EXOC4: variants seen among roughly 807,000 people sequenced by gnomAD.
EXOC4 encodes SEC8-like 1.
A neutral mutation model predicts 107.2 loss-of-function variants in EXOC4; 71 were observed. The observed-to-expected ratio is 0.66, with a 90% CI of 0.55 to 0.81. The LOEUF is 0.81. EXOC4 is among the 30% of genes least tolerant of loss of function. EXOC4 has a pLI of 0.00. For missense variants in EXOC4, 1,108 were observed against 1,189.6 expected (o/e 0.93, Z 1.01); for synonymous variants, 456 against 441.2 (o/e 1.03, Z -0.42).
chr7:133,394,022 G>T (rs1191309233), intron 7 of EXOC4, among the ~76,000 whole-genome samples: 1 of 152,136 alleles, frequency 6.6e-6, no homozygotes, highest in African/African-American at 2.4e-5. Context: ...GTTTCTGTTG[G>T]CCAGGCAGAT....
chr7:133,573,216 A>G (rs1192872309), intron 9 of EXOC4, among the ~76,000 whole-genome samples: 5 of 152,198 alleles, frequency 3.3e-5, no homozygotes, highest in Non-Finnish European at 5.9e-5. Flanking sequence ...TAGGATACTT[A>G]CCACTTTATG....
At chr7:133,313,300 A>G (rs2150576678) in intron 4 of EXOC4, among the ~76,000 whole-genome samples, 1 of 152,170 alleles carries the variant, frequency 6.6e-6, no homozygotes, top group African/African-American at 2.4e-5. Context: ...GTGTTCCAAC[A>G]GATCTTAGAA....
the EXOC4 span, among the ~76,000 whole-genome samples, chr7:134,097,001 T>G: frequency 6.6e-6 from 1 of 151,864 alleles, no homozygotes; most frequent in Non-Finnish European, 1.5e-5. Flanking sequence ...CCACCACCAT[T>G]TTTTTACAGA....
At chr7:134,099,598 T>G in the EXOC4 span, among the ~76,000 whole-genome samples, 3 of 150,332 alleles carry the variant, frequency 2.0e-5, no homozygotes, top group East Asian at 5.9e-4. Flanking sequence ...GGCACGATCT[T>G]GGCTCACTGC....
chr7:133,578,037 C>G (rs1801171188), intron 9 of EXOC4, among the ~76,000 whole-genome samples: 1 of 152,024 alleles, frequency 6.6e-6, no homozygotes. Context: ...TTTAATAACC[C>G]CCTAATAAAT....
intron 9 of EXOC4, among the ~76,000 whole-genome samples, chr7:133,542,254 G>T (rs1175708237): frequency 2.0e-5 from 3 of 150,516 alleles, no homozygotes; most frequent in Non-Finnish European, 4.4e-5. Flanking sequence ...TTATGTTTAG[G>T]TTCAACAAAG....
chr7:133,804,184 T>C (rs1485669717), intron 10 of EXOC4, among the ~76,000 whole-genome samples: 1 of 152,188 alleles, frequency 6.6e-6, no homozygotes, highest in Non-Finnish European at 1.5e-5. Context: ...GTAGATACTG[T>C]TCAGGCAAAG....
intron 5 of EXOC4, among the ~76,000 whole-genome samples, chr7:133,319,954 A>G (rs556315113): frequency 9.9e-5 from 15 of 151,886 alleles, no homozygotes; most frequent in Middle Eastern, 3.4e-3. Context: ...TGGTAAAGCA[A>G]TGTCTTAAGT....
At chr7:133,599,801 C>T (rs1801763915) in intron 9 of EXOC4, among the ~76,000 whole-genome samples, 1 of 151,160 alleles carries the variant, frequency 6.6e-6, no homozygotes, top group South Asian at 2.1e-4. Context: ...CTATAAAGTA[C>T]AAACTCATGT....
In EXOC4 at chr7:133,938,036, A is replaced by G. The variant is rs754057400; in HGVS notation, c.2173A>G (p.Lys725Glu). 1 of 1,614,182 alleles carries G rather than the reference A, an allele frequency of 6.2e-7. No homozygotes were observed. Among genetic ancestry groups the G allele is most frequent in the Admixed American group, 1.7e-5 (1 of 60,020 alleles). The change falls in exon 14 of 18, where the codon AAG becomes GAG. Residue 725 changes from lysine (K) to glutamate (E), a missense_variant. Physicochemically the swap from Lys to Glu is moderately conservative, Grantham distance 56. Coordinates refer to ENST00000253861, the MANE Select transcript of EXOC4 (RefSeq NM_021807.4). ...CCTGGAATGGTTGGCAAGTCGAACA[A>G]AGTCAGCTTTCTCCAATCTTTCTAC... The part of the protein sequence containing the change: ...ESLEWLASRT[K>E]SAFSNLSTSQ...
At chr7:133,354,887 C>G (rs1214956890) in intron 5 of EXOC4, among the ~76,000 whole-genome samples, 1 of 152,156 alleles carries the variant, frequency 6.6e-6, no homozygotes, top group Admixed American at 6.5e-5. Flanking sequence ...TCCAGAGTTA[C>G]AAAATAGTTA....
At chr7:133,569,648 G>A (rs1800977789) in intron 9 of EXOC4, among the ~76,000 whole-genome samples, 1 of 152,184 alleles carries the variant, frequency 6.6e-6, no homozygotes, top group Admixed American at 6.5e-5. Context: ...GTAGGTATGT[G>A]TGTGTAAGAC....
intron 10 of EXOC4, among the ~76,000 whole-genome samples, chr7:133,807,574 T>C (rs1024866191): frequency 1.3e-5 from 2 of 152,154 alleles, no homozygotes; most frequent in Admixed American, 6.5e-5. Flanking sequence ...GAAATTTTTC[T>C]GACAGCTTTA....
At chr7:134,035,022 TTTTTTTC>T (rs1795355864) in intron 17 of EXOC4, among the ~76,000 whole-genome samples, 1 of 150,932 alleles carries the variant, frequency 6.6e-6, no homozygotes, top group African/African-American at 2.4e-5. Context: ...ATAAAAAGGT[TTTTTTTC>T]TTTTTTCTTT....
At chr7:133,319,457 A>C (rs961729464) in intron 5 of EXOC4, among the ~76,000 whole-genome samples, 1 of 152,042 alleles carries the variant, frequency 6.6e-6, no homozygotes, top group South Asian at 2.1e-4. Flanking sequence ...CATTATGGAG[A>C]CTGCTTGTAG....
At chr7:133,614,793 A>C (rs1802151555) in intron 9 of EXOC4, among the ~76,000 whole-genome samples, 1 of 31,498 alleles carries the variant, frequency 3.2e-5, no homozygotes, top group African/African-American at 8.2e-5. Flanking sequence ...ATATGGCAAA[A>C]AAAAAAAAAA....
chr7:133,468,519 T>C (rs1431293169), intron 7 of EXOC4, among the ~76,000 whole-genome samples: 1 of 152,224 alleles, frequency 6.6e-6, no homozygotes, highest in Non-Finnish European at 1.5e-5. Flanking sequence ...ATCATTATAT[T>C]ATTTCAGTCT....
chr7:133,293,810 A>G (rs907310643), intron 3 of EXOC4, among the ~76,000 whole-genome samples: 46 of 152,362 alleles, frequency 3.0e-4, no homozygotes, highest in African/African-American at 1.1e-3. Context: ...AAAGCTAAAA[A>G]TGATCCAACA....
chr7:133,810,943 T>C (rs887853171), intron 10 of EXOC4, among the ~76,000 whole-genome samples: 1 of 152,142 alleles, frequency 6.6e-6, no homozygotes, highest in South Asian at 2.1e-4. Flanking sequence ...AGATCCATGC[T>C]TTAAACATTT....
Sources: allele counts gnomAD v4.1 joint callset (sites outside exome capture counted in the v4.1 genomes callset), GRCh38; gene constraint gnomAD v4.1.1; transcripts MANE v1.5; gene names NCBI Gene and HGNC (gene_info 2026-07-23, HGNC 2026-07-21).